The following SPAG1 variants were observed in gnomAD, a reference collection of about 807,000 sequenced individuals.
SPAG1 encodes the protein sperm associated antigen 1, also known as sperm-associated antigen 1.
A neutral mutation model predicts 100.5 loss-of-function variants in SPAG1; 69 were observed. That is an observed-to-expected ratio of 0.69 (90% CI 0.57 to 0.84). The LOEUF (loss-of-function observed/expected upper bound fraction) is 0.84. Among genes scored for constraint, SPAG1 ranks in the 40% least tolerant of loss-of-function variants. The pLI, the probability that SPAG1 is intolerant of heterozygous loss-of-function variation, is 0.00. For missense variants in SPAG1, 955 were observed against 1,133.1 expected, an observed-to-expected ratio of 0.84 and a Z score of 2.26; for synonymous variants, 336 against 411.6, an observed-to-expected ratio of 0.82 and a Z score of 2.22.
At chr8:100,238,670 T>C (rs753492004) in intron 16 of SPAG1, among the ~76,000 whole-genome samples, 1 of 152,224 alleles carries the variant, frequency 6.6e-6, no homozygotes, top group Non-Finnish European at 1.5e-5. Flanking sequence ...ATGTTGACTC[T>C]AGCCAATTCG....
intron 15 of SPAG1, 133 bp from the exon 16 acceptor site, chr8:100,233,278 A>T: frequency 1.1e-6 from 1 of 943,794 alleles, no homozygotes. Context: ...ATCAAATGTT[A>T]AGTTTCAATG....
At chr8:100,180,899 A>T (rs1032385124) in intron 4 of SPAG1, among the ~76,000 whole-genome samples, 4 of 152,222 alleles carry the variant, frequency 2.6e-5, no homozygotes, top group Admixed American at 6.5e-5. Flanking sequence ...ACAAATTGTG[A>T]TTTTTAAAAT....
chr8:100,221,303 T>C (rs1563807117), intron 13 of SPAG1, among the ~76,000 whole-genome samples: 2 of 152,130 alleles, frequency 1.3e-5, no homozygotes, highest in African/African-American at 4.8e-5. Flanking sequence ...TAGACACTTA[T>C]CTAGGATGAA....
chr8:100,175,964 C>G (rs529849051), intron 3 of SPAG1, among the ~76,000 whole-genome samples: 1 of 152,160 alleles, frequency 6.6e-6, no homozygotes, highest in African/African-American at 2.4e-5. Flanking sequence ...TGAGTTTGCA[C>G]AAAATAGTTG....
chr8:100,176,037 T>C (rs1444065483), intron 3 of SPAG1, among the ~76,000 whole-genome samples: 1 of 152,092 alleles, frequency 6.6e-6, no homozygotes, highest in Non-Finnish European at 1.5e-5. Context: ...CTAATAAATA[T>C]CCTTTGTGGC....
chr8:100,186,462 T>C (rs1816594728), intron 7 of SPAG1, among the ~76,000 whole-genome samples: 1 of 152,162 alleles, frequency 6.6e-6, no homozygotes, highest in African/African-American at 2.4e-5. Flanking sequence ...TTTTTCTACC[T>C]TCATTTTTTA....
At chr8:100,218,193 A>G (rs372139298) in intron 12 of SPAG1, among the ~76,000 whole-genome samples, 78 of 152,340 alleles carry the variant, frequency 5.1e-4, no homozygotes, top group African/African-American at 1.8e-3. Context: ...CCTCTTTTGT[A>G]AGCTCTGCTT....
intron 12 of SPAG1, among the ~76,000 whole-genome samples, chr8:100,214,988 CATATATATATATATATAT>C (rs71274967): frequency 0.012 from 825 of 68,622 alleles, 12 homozygotes; most frequent in Middle Eastern, 0.025. Context: ...AAACTTTACT[CATATATATATATATATAT>C]ATATATATAT....
chr8:100,224,769 C>G (rs1359184865), intron 13 of SPAG1, among the ~76,000 whole-genome samples: 1 of 152,074 alleles, frequency 6.6e-6, no homozygotes, highest in Non-Finnish European at 1.5e-5. Flanking sequence ...CACAGAAATT[C>G]TAAAATACTT....
intron 10 of SPAG1, chr8:100,194,552 C>T (rs1477133700): frequency 3.9e-6 from 2 of 519,468 alleles, no homozygotes; most frequent in East Asian, 3.0e-5. Flanking sequence ...AGACCATTTG[C>T]CAGTTAACTT....
intron 5 of SPAG1, 32 bp from the exon 6 acceptor site, chr8:100,183,924 C>A: frequency 9.2e-7 from 1 of 1,085,406 alleles, no homozygotes; most frequent in Non-Finnish European, 1.4e-6. Flanking sequence ...CTGTATTGTA[C>A]TTTTTTGGTT....
At chr8:100,183,211 G>A (rs1303915421) in intron 4 of SPAG1, among the ~76,000 whole-genome samples, 164 bp from the exon 5 acceptor site, 1 of 152,110 alleles carries the variant, frequency 6.6e-6, no homozygotes, top group Non-Finnish European at 1.5e-5. Context: ...GGCCTCAAGT[G>A]AGCTGTCCAC....
In SPAG1 at chr8:100,228,691, C is replaced by T. The variant is rs112465511; in HGVS notation, c.1856-2465C>T. 6.5e-3 allele frequency among the ~76,000 whole-genome samples: 987 copies of T among 151,640 alleles called. 3 individuals carry two copies. The highest frequency in any genetic ancestry group is 0.024 in the Middle Eastern group (7 of 294). On this transcript the variant is annotated intron_variant, in intron 14 of 18. Transcript: ENST00000388798. The stretch of plus-strand genomic sequence containing the variant: ...TTGCACCACTGCACTCTAGCCTGGG[C>T]GACAGAGCCAGACCCCATCTCAAAA...
At chr8:100,215,819 C>T (rs899278994) in intron 12 of SPAG1, among the ~76,000 whole-genome samples, 2 of 152,232 alleles carry the variant, frequency 1.3e-5, no homozygotes, top group Non-Finnish European at 2.9e-5. Context: ...CCACCGCGCC[C>T]GGCCCAGTTT....
At chr8:100,214,043 T>C (rs1252286671) in intron 12 of SPAG1, 125 bp downstream of exon 12, 2 of 556,070 alleles carry the variant, frequency 3.6e-6, no homozygotes, top group Non-Finnish European at 6.6e-6. Flanking sequence ...GGTATGTTAA[T>C]TGATTGATGC....
chr8:100,215,570 G>C (rs1484114885), intron 12 of SPAG1, among the ~76,000 whole-genome samples: 1 of 152,142 alleles, frequency 6.6e-6, no homozygotes, highest in South Asian at 2.1e-4. Context: ...ACAGAGTCTC[G>C]CTCTGTTGCC....
rs1586549042 is a variant in SPAG1, at chr8:100,231,351, A to G, written c.1988+63A>G. 3 of 1,133,952 alleles carry G rather than the reference A, an allele frequency of 2.6e-6. No individual in the cohort carries two copies. In the South Asian group the frequency reaches 5.9e-5, roughly 22 times the overall value. 70.2% of individuals were successfully genotyped at this position (1,133,952 alleles called of 1,614,324 possible). A position where few individuals can be genotyped will look rare whatever the true frequency, so the allele number is the denominator to read the frequency against. On this transcript the variant is annotated intron_variant, in intron 15 of 18. Transcript: ENST00000388798. ...TAGTTTTGATTATTAAAAATATTTT[A>G]AGTTATTTTATTAACACAATTAAGT...
intron 3 of SPAG1, among the ~76,000 whole-genome samples, chr8:100,176,643 G>A (rs1191090181): frequency 6.6e-6 from 1 of 152,202 alleles, no homozygotes; most frequent in Non-Finnish European, 1.5e-5. Context: ...GGGATTACAG[G>A]CGTGAGCCAC....
chr8:100,212,648 C>A (rs1174184166), intron 10 of SPAG1, among the ~76,000 whole-genome samples: 1 of 152,116 alleles, frequency 6.6e-6, no homozygotes, highest in Non-Finnish European at 1.5e-5. Flanking sequence ...TCTTTCAAAT[C>A]TTTTTCTCCT....
Sources: allele counts gnomAD v4.1 joint callset (sites outside exome capture counted in the v4.1 genomes callset), GRCh38; gene constraint gnomAD v4.1.1; transcripts MANE v1.5; gene names NCBI Gene and HGNC (gene_info 2026-07-23, HGNC 2026-07-21).